The following ARHGEF11 variants were observed in gnomAD, a reference collection of about 807,000 sequenced individuals.
The protein encoded by ARHGEF11 is Rho guanine exchange factor (GEF) 11.
Under a neutral mutation model 193.7 loss-of-function variants are expected in ARHGEF11, and 55 were observed. The ratio of observed to expected loss-of-function variants is 0.28; its 90% CI spans 0.23 to 0.36. ARHGEF11 has a LOEUF of 0.36. Ranked by LOEUF, ARHGEF11 falls within the 10% of genes least tolerant of loss-of-function variation. ARHGEF11 has a pLI of 1.00. For missense variants in ARHGEF11, 1,723 were observed against 2,005.6 expected (o/e 0.86, Z 2.69); for synonymous variants, 693 against 768.0 (o/e 0.90, Z 1.62).
intron 1 of ARHGEF11, among the ~76,000 whole-genome samples, chr1:157,004,513 G>A (rs1381716041): frequency 6.6e-6 from 1 of 152,132 alleles, no homozygotes; most frequent in Non-Finnish European, 1.5e-5. Context: ...TCTCCCTCCA[G>A]GGCTGACTCC....
chr1:156,941,479 C>T, intron 34 of ARHGEF11, 46 bp from the exon 35 acceptor site: 1 of 1,583,198 alleles, frequency 6.3e-7, no homozygotes, highest in Non-Finnish European at 8.7e-7. Context: ...GAGATTCCAC[C>T]CTGGACTCAT....
chr1:157,006,484 C>CG (rs11369625), intron 1 of ARHGEF11, among the ~76,000 whole-genome samples: 144,512 of 152,230 alleles, frequency 0.95, 69,056 homozygotes, highest in East Asian at 1. Flanking sequence ...CCAAAAGCAC[C>CG]TAATCATAGG....
chr1:156,981,899 C>T (rs1273929221), intron 3 of ARHGEF11, among the ~76,000 whole-genome samples: 1 of 152,194 alleles, frequency 6.6e-6, no homozygotes, highest in Non-Finnish European at 1.5e-5. Context: ...TTTGCCCCAA[C>T]GTGATCATTA....
rs202152645 is a variant in ARHGEF11 at position 156,943,921 on chromosome 1, A to G, written c.3235+14T>C. The stretch of plus-strand genomic sequence containing the variant: ...CCTGAGCCCCAGGCCAGCCTGGACC[A>G]TCTCCCCAGGTACCTGTGGCCACAG... On this transcript the variant is annotated intron_variant, in intron 32 of 40. Transcript: ENST00000368194. 50 of 1,604,650 alleles carry G rather than the reference A, an allele frequency of 3.1e-5. 1 individual carries two copies. The highest frequency in any genetic ancestry group is 1.9e-4 in the South Asian group (17 of 90,146).
rs138041885 is a variant in ARHGEF11, at chr1:157,036,032, AATAT to A, written c.32+8263_32+8266del. Among the ~76,000 whole-genome samples the A allele has an allele frequency of 4.2e-3, 555 of 133,440 alleles. 9 individuals carry two copies. The highest frequency in any genetic ancestry group is 0.015 in the African/African-American group (525 of 36,090). 87.5% of individuals were successfully genotyped at this position (133,440 alleles called of 152,430 possible). A position where few individuals can be genotyped will look rare whatever the true frequency, so the allele number is the denominator to read the frequency against. Reference sequence around the variant, plus strand: ...ATATATATATGAATCTATATATAGGAATATATATATGAATCTATATAGGAATATA... The same window carrying A: ...ATATATATATGAATCTATATATAGGAATATATGAATCTATATAGGAATATA... On this transcript the variant is annotated intron_variant, in intron 1 of 40. Transcript: ENST00000368194.
At chr1:156,994,392 G>GTT (rs33948204) in intron 1 of ARHGEF11, among the ~76,000 whole-genome samples, 12,039 of 143,970 alleles carry the variant, frequency 0.084, 963 homozygotes, top group African/African-American at 0.21. Context: ...TTTATTGTGT[G>GTT]TTTTTTTTTT....
At chr1:157,027,738 C>G (rs1410896012) in intron 1 of ARHGEF11, among the ~76,000 whole-genome samples, 1 of 152,204 alleles carries the variant, frequency 6.6e-6, no homozygotes, top group Non-Finnish European at 1.5e-5. Flanking sequence ...GTCTTCTCCC[C>G]TGATCCTGGG....
At chr1:156,937,523 C>A in intron 38 of ARHGEF11, 27 bp from the exon 39 acceptor site, 1 of 1,507,260 alleles carries the variant, frequency 6.6e-7, no homozygotes, top group Non-Finnish European at 8.9e-7. Flanking sequence ...AGAATGAGAT[C>A]AGGAGGCAAA....
At chr1:157,004,583 A>C (rs571006928) in intron 1 of ARHGEF11, among the ~76,000 whole-genome samples, 1 of 152,306 alleles carries the variant, frequency 6.6e-6, no homozygotes, top group South Asian at 2.1e-4. Flanking sequence ...TGCATAGCCG[A>C]GAGAGATGCA....
At chr1:157,003,934 AAT>A (rs1379713080) in intron 1 of ARHGEF11, among the ~76,000 whole-genome samples, 1 of 152,218 alleles carries the variant, frequency 6.6e-6, no homozygotes, top group Non-Finnish European at 1.5e-5. Context: ...AAGTGCTTAA[AAT>A]ATGTTAGCTA....
intron 1 of ARHGEF11, among the ~76,000 whole-genome samples, chr1:157,036,200 T>C (rs1421106152): frequency 1.5e-5 from 2 of 137,638 alleles, no homozygotes; most frequent in Non-Finnish European, 3.1e-5. Flanking sequence ...TATATGAATA[T>C]ATATACATAT....
chr1:156,975,486 C>T (rs1028812938), intron 7 of ARHGEF11, among the ~76,000 whole-genome samples: 2 of 152,120 alleles, frequency 1.3e-5, no homozygotes, highest in African/African-American at 4.8e-5. Flanking sequence ...AAATATTTTT[C>T]CCCATTTCTT....
At chr1:156,958,939 A>T in intron 16 of ARHGEF11, 75 bp from the exon 17 acceptor site, 1 of 1,610,178 alleles carries the variant, frequency 6.2e-7, no homozygotes, top group South Asian at 1.1e-5. Flanking sequence ...AAAGAACAAG[A>T]CAAACACATA....
chr1:157,025,668 C>A (rs1004172936), intron 1 of ARHGEF11, among the ~76,000 whole-genome samples: 4 of 152,124 alleles, frequency 2.6e-5, no homozygotes, highest in Non-Finnish European at 5.9e-5. Flanking sequence ...GAGCGGGCTC[C>A]CCTGTTAATT....
intron 15 of ARHGEF11, 64 bp downstream of exon 15, chr1:156,960,354 C>A: frequency 6.6e-7 from 1 of 1,519,198 alleles, no homozygotes; most frequent in Non-Finnish European, 9.1e-7. Flanking sequence ...CCTCTGGAGC[C>A]TCCTGAGAGC....
chr1:157,037,213 A>T (rs2103063663), intron 1 of ARHGEF11, among the ~76,000 whole-genome samples: 1 of 151,968 alleles, frequency 6.6e-6, no homozygotes, highest in East Asian at 1.9e-4. Context: ...GAATCCTGCC[A>T]CTCCTCTTTG....
rs1350363617 is a variant in ARHGEF11, at chr1:156,945,188, G to C, written c.2822C>G (p.Ser941Cys). The change falls in exon 30 of 41, where the codon TCT (serine) becomes TGT (cysteine). Residue 941 changes from serine (S) to cysteine (C), a missense_variant. Transcript: ENST00000368194. ...GGCCCGGCACAGCTTCTCATGCTCA[G>C]AGGTGCCACCTACCAAAATGGACAG... ...SIIKHTEGGT[S>C]EHEKLCRARD... The C allele has an allele frequency of 1.9e-6, 3 of 1,613,758 alleles. No individual in the cohort carries two copies. The highest frequency in any genetic ancestry group is 3.3e-5 in the Admixed American group (2 of 59,992).
chr1:157,029,196 T>C (rs185740588), intron 1 of ARHGEF11, among the ~76,000 whole-genome samples: 13 of 150,014 alleles, frequency 8.7e-5, no homozygotes, highest in Middle Eastern at 3.5e-3. Flanking sequence ...AAGAAAGATA[T>C]GAAAAAACTG....
chr1:156,939,389 T>C (rs1355226751), intron 37 of ARHGEF11, 159 bp downstream of exon 37: 5 of 976,880 alleles, frequency 5.1e-6, no homozygotes, highest in South Asian at 1.6e-5. Flanking sequence ...CTCCAAAGCC[T>C]GCCTGATATC....
Sources: gnomAD v4.1 joint callset for allele counts (sites outside exome capture counted in the v4.1 genomes callset) on GRCh38, gnomAD v4.1.1 for gene constraint, MANE v1.5 for transcripts, NCBI Gene and HGNC (gene_info 2026-07-23, HGNC 2026-07-21) for gene names.